The following IQCM variants were observed in gnomAD, a reference collection of about 807,000 sequenced individuals.
IQCM encodes IQ domain-containing protein M.
In IQCM, 45 loss-of-function variants were observed where a neutral mutation model predicts 57.6. The ratio of observed to expected loss-of-function variants is 0.78; its 90% confidence interval spans 0.62 to 1.00. The LOEUF (loss-of-function observed/expected upper bound fraction) is 1.00. IQCM is among the 50% of genes least tolerant of loss of function. The pLI is 0.00. For synonymous variants in IQCM, 148 were observed against 158.9 expected (o/e 0.93, Z 0.51); for missense variants, 468 against 511.6 (o/e 0.91, Z 0.82).
At chr4:149,388,216 G>T (rs1390922502) in intron 13 of IQCM, among the ~76,000 whole-genome samples, 1 of 151,416 alleles carries the variant, frequency 6.6e-6, no homozygotes, top group East Asian at 1.9e-4. Context: ...GGAATTGCTG[G>T]GTCACATATT....
At chr4:149,453,862 G>A (rs1737392973) in intron 12 of IQCM, among the ~76,000 whole-genome samples, 1 of 151,646 alleles carries the variant, frequency 6.6e-6, no homozygotes, top group African/African-American at 2.4e-5. Context: ...TCTACCCCTA[G>A]GTATCTACCC....
intron 2 of IQCM, among the ~76,000 whole-genome samples, chr4:149,773,220 C>T (rs769311600): frequency 2.0e-5 from 3 of 151,932 alleles, no homozygotes; most frequent in Non-Finnish European, 2.9e-5. Context: ...GGCATGGTGA[C>T]GGGCGCCTGT....
intron 12 of IQCM, among the ~76,000 whole-genome samples, chr4:149,512,464 A>C (rs1053362017): frequency 6.6e-6 from 1 of 152,196 alleles, no homozygotes; most frequent in Non-Finnish European, 1.5e-5. Context: ...ATTTAGCTTA[A>C]CTTGAGAGAA....
intron 12 of IQCM, among the ~76,000 whole-genome samples, chr4:149,505,236 G>A (rs913409087): frequency 5.9e-5 from 9 of 152,084 alleles, no homozygotes; most frequent in African/African-American, 2.2e-4. Flanking sequence ...ACATACGTAC[G>A]AAAGAAAACA....
chr4:149,469,623 T>A (rs554039524), intron 12 of IQCM, among the ~76,000 whole-genome samples: 30 of 152,202 alleles, frequency 2.0e-4, no homozygotes, highest in African/African-American at 6.7e-4. Context: ...ACACAGAGAA[T>A]GCCACAAAGA....
intron 13 of IQCM, among the ~76,000 whole-genome samples, chr4:149,359,646 A>G (rs1484131393): frequency 6.6e-6 from 1 of 152,118 alleles, no homozygotes; most frequent in Non-Finnish European, 1.5e-5. Flanking sequence ...GAAATGGGAT[A>G]TTTCTTTTTC....
chr4:149,734,453 A>G (rs1580157023), intron 4 of IQCM, among the ~76,000 whole-genome samples: 1 of 152,308 alleles, frequency 6.6e-6, no homozygotes, highest in African/African-American at 2.4e-5. Context: ...AATGCGTACA[A>G]TGTTGATTAC....
intron 13 of IQCM, among the ~76,000 whole-genome samples, chr4:149,407,950 A>C (rs905644437): frequency 1.3e-5 from 2 of 152,164 alleles, no homozygotes; most frequent in African/African-American, 4.8e-5. Flanking sequence ...ACTAATTTAC[A>C]TTCCCACCTA....
At chr4:149,705,479 G>C (rs1764088844) in intron 5 of IQCM, among the ~76,000 whole-genome samples, 1 of 151,582 alleles carries the variant, frequency 6.6e-6, no homozygotes, top group Non-Finnish European at 1.5e-5. Context: ...CTCCATCAGA[G>C]GGTAGGTATC....
At chr4:149,726,071 AAAAG>A (rs529190046) in intron 5 of IQCM, among the ~76,000 whole-genome samples, 16,423 of 94,578 alleles carry the variant, frequency 0.17, 1,454 homozygotes, top group Non-Finnish European at 0.2. Context: ...TCTTCCCTCT[AAAAG>A]AAAGAAAGAA....
intron 5 of IQCM, among the ~76,000 whole-genome samples, chr4:149,731,364 T>C (rs1052603340): frequency 1.3e-5 from 2 of 152,132 alleles, no homozygotes; most frequent in African/African-American, 4.8e-5. Flanking sequence ...AGGTGCCATC[T>C]TGGAAGCAGA....
intron 13 of IQCM, among the ~76,000 whole-genome samples, chr4:149,371,792 A>G (rs1730386155): frequency 6.6e-6 from 1 of 152,176 alleles, no homozygotes; most frequent in Non-Finnish European, 1.5e-5. Context: ...CTGGAACTGA[A>G]GAGATAAAAC....
intron 12 of IQCM, among the ~76,000 whole-genome samples, chr4:149,494,156 T>G (rs1480590351): frequency 1.3e-5 from 2 of 152,088 alleles, no homozygotes; most frequent in Non-Finnish European, 2.9e-5. Context: ...GTATTTTTAA[T>G]TAACTCAGGC....
At chr4:149,597,629 G>T (rs1334693815) in intron 8 of IQCM, among the ~76,000 whole-genome samples, 1 of 152,066 alleles carries the variant, frequency 6.6e-6, no homozygotes, top group Admixed American at 6.6e-5. Flanking sequence ...GACCTCAAAT[G>T]ATCTGCCTGC....
intron 12 of IQCM, among the ~76,000 whole-genome samples, chr4:149,455,065 GAT>G (rs1346000026): frequency 6.6e-6 from 1 of 152,082 alleles, no homozygotes; most frequent in Non-Finnish European, 1.5e-5. Context: ...GTGTGAAAGT[GAT>G]AAACATTCAG....
intron 9 of IQCM, among the ~76,000 whole-genome samples, chr4:149,574,964 T>C (rs1389567142): frequency 6.6e-6 from 1 of 151,918 alleles, no homozygotes; most frequent in Non-Finnish European, 1.5e-5. Context: ...CCTCCCCCAA[T>C]TCCTCTTCCA....
intron 9 of IQCM, among the ~76,000 whole-genome samples, chr4:149,572,591 A>G (rs1272101116): frequency 1.3e-5 from 2 of 152,016 alleles, no homozygotes; most frequent in African/African-American, 2.4e-5. Context: ...CCCATATTTC[A>G]TCTGCATTAT....
intron 2 of IQCM, among the ~76,000 whole-genome samples, chr4:149,812,865 C>T (rs1171307865): frequency 6.6e-6 from 1 of 152,056 alleles, no homozygotes; most frequent in East Asian, 1.9e-4. Context: ...ACAATGCAGA[C>T]CTCTCTGGTC....
intron 12 of IQCM, among the ~76,000 whole-genome samples, chr4:149,475,096 G>A (rs775520056): frequency 2.1e-4 from 32 of 152,162 alleles, no homozygotes; most frequent in Admixed American, 4.6e-4. Context: ...CTACTGTGTC[G>A]AAAATATTCT....
Sources: allele counts gnomAD v4.1 joint callset (sites outside exome capture counted in the v4.1 genomes callset), GRCh38; gene constraint gnomAD v4.1.1; transcripts MANE v1.5; gene names NCBI Gene and HGNC (gene_info 2026-07-23, HGNC 2026-07-21).